The following SEC16A variants were observed in gnomAD, a reference collection of about 807,000 sequenced individuals.
The protein encoded by SEC16A is SEC16 homolog A, endoplasmic reticulum export factor.
In SEC16A, 110 loss-of-function variants were observed where a neutral mutation model predicts 221.9. The observed-to-expected ratio is 0.50, with a 90% CI of 0.42 to 0.58. SEC16A has a LOEUF of 0.58. Ranked by LOEUF, SEC16A falls within the 20% of genes least tolerant of loss-of-function variation. SEC16A has a pLI of 0.00. For missense variants in SEC16A, 3,165 were observed against 3,097.8 expected (o/e 1.02, Z -0.52); for synonymous variants, 1,393 against 1,257.7 (o/e 1.11, Z -2.28).
rs750071670 is a variant in SEC16A, at chr9:136,459,195, G to A, written c.5348C>T (p.Thr1783Met). 22 of 1,613,768 alleles carry A rather than the reference G, an allele frequency of 1.4e-5. No individual in the cohort carries two copies. The highest frequency in any genetic ancestry group is 4.4e-5 in the South Asian group (4 of 91,068). ...KFATNEAIQRTEAYEYAQSLG... is the reference protein window; with the variant it reads ...KFATNEAIQRMEAYEYAQSLG... ...GGACTGGGCGTACTCATAGGCTTCC[G>A]TCCTCTGGATTGCTTCGTTGGTTGC... is the stretch of plus-strand genomic sequence containing the variant. The change falls in exon 17 of 32, where the codon ACG becomes ATG. Residue 1783 changes from threonine (T) to methionine (M), a missense_variant. Physicochemically the swap from Thr to Met is moderately conservative, Grantham distance 81 (BLOSUM62 -1). Coordinates refer to ENST00000684901, the MANE Select transcript of SEC16A (RefSeq NM_014866.2). This position sits in a 1 kb window ranked among gnomAD's most constrained non-coding sequence, Gnocchi z 6.1.
chr9:136,475,342 A>T lies in SEC16A; in HGVS notation c.2274T>A (p.Val758=). 6.2e-7 allele frequency: 1 copy of T among 1,610,488 alleles called. No individual in the cohort carries two copies. The highest frequency in any genetic ancestry group is 8.5e-7 in the Non-Finnish European group (1 of 1,177,494). The part of the protein sequence containing the change: ...YVCAKPQPPV[V]QPPEEAMSGQ... ...CGGACATCGCCTCTTCTGGAGGCTG[A>T]ACAACAGGTGGCTGAGGTTTTGCAC... is the stretch of plus-strand genomic sequence containing the variant. The change falls in exon 3 of 32, where the codon GTT becomes GTA. Residue 758 remains valine, a synonymous_variant. Transcript: ENST00000684901. The surrounding 1 kb of genome is among the most constrained non-coding windows in gnomAD (Gnocchi z 5.0).
chr9:136,471,884 C>A, intron 4 of SEC16A, 91 bp downstream of exon 4: 1 of 1,469,090 alleles, frequency 6.8e-7, no homozygotes. Context: ...AAATACAGAA[C>A]TTTTTGAGTC....
At chr9:136,452,907 C>A (rs926175369) in intron 22 of SEC16A, among the ~76,000 whole-genome samples, 2 of 148,900 alleles carry the variant, frequency 1.3e-5, no homozygotes, top group Admixed American at 1.3e-4. Context: ...CCCATCTCTA[C>A]TAAAAATACA....
chr9:136,444,328 C>A lies in SEC16A; in HGVS notation c.6928-428G>T, dbSNP rs1326892149. Among the ~76,000 whole-genome samples the A allele has an allele frequency of 2.0e-5, 3 of 151,972 alleles. No homozygotes were observed. In the South Asian group the frequency reaches 6.7e-4, roughly 34 times the overall value. On this transcript the variant is annotated intron_variant, in intron 30 of 31. Coordinates refer to ENST00000684901, the MANE Select transcript of SEC16A (RefSeq NM_014866.2). ...CTGGACAGGCAGAAGATGAAGCGTT[C>A]GTTCACCTCCCTCCCACATTGGCCG... is the stretch of plus-strand genomic sequence containing the variant.
chr9:136,452,773 A>G (rs866116779), intron 22 of SEC16A, among the ~76,000 whole-genome samples: 2,375 of 145,892 alleles, frequency 0.016, 44 homozygotes, highest in Middle Eastern at 0.026. Context: ...CTTAGGGAAA[A>G]AAAAAAAAAA....
At chr9:136,472,954 G>A (rs772251373) in intron 3 of SEC16A, among the ~76,000 whole-genome samples, 1 of 152,210 alleles carries the variant, frequency 6.6e-6, no homozygotes, top group Non-Finnish European at 1.5e-5. Flanking sequence ...ACGGCTTCCC[G>A]TCGCTCTGCA....
chr9:136,471,314 A>C (rs1185202845), intron 4 of SEC16A, among the ~76,000 whole-genome samples: 1 of 152,076 alleles, frequency 6.6e-6, no homozygotes, highest in African/African-American at 2.4e-5. Context: ...CAAAAAAAAA[A>C]ATGAACAAAA....
At position 136,477,312 on chromosome 9, in the gene SEC16A, T is replaced by C. The variant is rs1564543474; in HGVS notation, c.304A>G (p.Ser102Gly). Residue 102 changes from serine to glycine, a missense_variant, in exon 3 of 32, where the codon AGC becomes GGC. Coordinates refer to ENST00000684901, the MANE Select transcript of SEC16A (RefSeq NM_014866.2). ...LLVPHTHARD[S>G]SQGPCEPLPG... Reference sequence around the variant, plus strand: ...AGGGGCTCACAGGGTCCCTGAGAGCTATCTCTGGCATGTGTGTGAGGAACA... The same window carrying C: ...AGGGGCTCACAGGGTCCCTGAGAGCCATCTCTGGCATGTGTGTGAGGAACA... 1 of 1,613,788 alleles carries C rather than the reference T, an allele frequency of 6.2e-7. No individual in the cohort carries two copies. Among genetic ancestry groups the C allele is most frequent in the Admixed American group, 1.7e-5 (1 of 60,026 alleles).
Position 136,451,341 on chromosome 9 carries a change from G to C in SEC16A, c.6227C>G (p.Thr2076Arg), listed in dbSNP as rs760099669. The change falls in exon 23 of 32, where the codon ACG becomes AGG. Residue 2076 changes from threonine to arginine, a missense_variant. Thr to Arg is a moderately conservative substitution (Grantham distance 71). This residue lies in a region of SEC16A where 1,088 missense variants were observed against 1,089.6 expected (regional missense o/e 1.00). Coordinates refer to ENST00000684901, the MANE Select transcript of SEC16A (RefSeq NM_014866.2). ...PGWDRADSGP[T>R]QPPLSLSPAP... Reference sequence around the variant, plus strand: ...GGGTGAGAGAGACAGAGGTGGCTGCGTGGGACCCGAGTCGGCACGATCCCA... The same window carrying C: ...GGGTGAGAGAGACAGAGGTGGCTGCCTGGGACCCGAGTCGGCACGATCCCA... The C allele has an allele frequency of 6.8e-6, 11 of 1,613,654 alleles. No individual in the cohort carries two copies. Among genetic ancestry groups the C allele is most frequent in the Non-Finnish European group, 1.7e-6 (2 of 1,179,814 alleles).
chr9:136,483,164 GC>G, upstream of SEC16A: 1 of 317,608 alleles, frequency 3.1e-6, no homozygotes, highest in Non-Finnish European at 4.5e-6. Flanking sequence ...GCCCTTCACA[GC>G]CCATCCCTCG....
At chr9:136,482,738 C>T (rs1311632451) in intron 1 of SEC16A, among the ~76,000 whole-genome samples, 200 bp downstream of exon 1, 4 of 152,174 alleles carry the variant, frequency 2.6e-5, no homozygotes, top group Admixed American at 1.3e-4. Flanking sequence ...GCGCCGCGTC[C>T]GGCCTTCCGC....
intron 30 of SEC16A, 74 bp from the exon 31 acceptor site, chr9:136,443,974 C>T: frequency 9.7e-7 from 1 of 1,035,814 alleles, no homozygotes; most frequent in South Asian, 1.6e-5. Context: ...CAGATACAGA[C>T]ACCGCTTCTG....
chr9:136,460,477 G>C (rs1402809184), intron 13 of SEC16A, among the ~76,000 whole-genome samples: 1 of 151,168 alleles, frequency 6.6e-6, no homozygotes, highest in African/African-American at 2.4e-5. Flanking sequence ...AAATAAAATA[G>C]TAATAAAATA....
intron 12 of SEC16A, among the ~76,000 whole-genome samples, chr9:136,462,303 T>C (rs1839590036): frequency 6.6e-6 from 1 of 152,112 alleles, no homozygotes; most frequent in African/African-American, 2.4e-5. Context: ...GCCCCTCCTG[T>C]GCACATAGTG....
Position 136,477,370 on chromosome 9 carries a change from G to A in SEC16A, c.246C>T (p.Ala82=), listed in dbSNP as rs1484166255. Residue 82 remains alanine (A), a synonymous_variant, in exon 3 of 32, where the codon GCC becomes GCT. Transcript: ENST00000684901. ...KSSPPVLQGP[A]PAGFSQHPGL... ...CGGGGTGCTGAGAAAACCCTGCGGG[G>A]GCTGGGCCTTGCAAGACAGGTGGAC... 6.2e-7 allele frequency: 1 copy of A among 1,613,886 alleles called. No individual in the cohort carries two copies. The highest frequency in any genetic ancestry group is 8.5e-7 in the Non-Finnish European group (1 of 1,179,896).
Position 136,448,100 on chromosome 9 carries a change from T to G in SEC16A, c.6374A>C (p.Asp2125Ala). ...AGCACTCACCGATTTGTTCTTGTCA[T>G]CTGGCAAATAAGCTTCTGTCTTTTT... ...GKKKTEAYLP[D>A]DKNKSIVWDE... Residue 2125 changes from aspartate to alanine, a missense_variant, in exon 24 of 32, where the codon GAT (aspartate) becomes GCT (alanine). Around this residue, in one of 3 missense-constraint regions of SEC16A, gnomAD observed 1,088 missense variants for 1,089.6 expected, o/e 1.00. Coordinates refer to ENST00000684901, the MANE Select transcript of SEC16A (RefSeq NM_014866.2). 6.2e-7 allele frequency: 1 copy of G among 1,613,002 alleles called. No individual in the cohort carries two copies. The highest frequency in any genetic ancestry group is 1.3e-5 in the African/African-American group (1 of 74,894).
rs1031063297 is a variant in SEC16A at position 136,446,725 on chromosome 9, G to A, written c.6792+130C>T. On this transcript the variant is annotated intron_variant, in intron 28 of 31. Coordinates refer to ENST00000684901, the MANE Select transcript of SEC16A (RefSeq NM_014866.2). Reference sequence around the variant, plus strand: ...TTCCGTCTCTACCATACATAAGTGTGAGGCGTTTAAGGCGGAACACTCTAC... The same window carrying A: ...TTCCGTCTCTACCATACATAAGTGTAAGGCGTTTAAGGCGGAACACTCTAC... 31 of 882,902 alleles carry A rather than the reference G, an allele frequency of 3.5e-5. No individual in the cohort carries two copies. In the African/African-American group the frequency reaches 4.7e-4, roughly 13 times the overall value. The allele number at this position is 882,902 out of a possible 1,614,324, so 54.7% of individuals were successfully genotyped here.
Position 136,477,318 on chromosome 9 carries a change from T to C in SEC16A, c.298A>G (p.Arg100Gly), listed in dbSNP as rs552755205. ...TCACAGGGTCCCTGAGAGCTATCTC[T>C]GGCATGTGTGTGAGGAACAAGCAAA... ...PGLLVPHTHA[R>G]DSSQGPCEPL... The change falls in exon 3 of 32, where the codon AGA becomes GGA. Residue 100 changes from arginine (R) to glycine (G), a missense_variant. Physicochemically the swap from Arg to Gly is moderately radical, Grantham distance 125 (BLOSUM62 -2). Around this residue, in one of 3 missense-constraint regions of SEC16A, gnomAD observed 2,030 missense variants for 1,923.1 expected, o/e 1.06. Transcript: ENST00000684901. 3 of 1,613,888 alleles carry C rather than the reference T, an allele frequency of 1.9e-6. No homozygotes were observed. The East Asian group carries it at 6.7e-5, about 36-fold the overall frequency.
In SEC16A at chr9:136,474,928, C is replaced by G; in HGVS notation, c.2688G>C (p.Leu896Phe). ...SGIPTSSVLS[L>F]SLPSSVAQSN... ...TTTGGGCAACACTGCTAGGCAGAGA[C>G]AAGCTAAGGACAGAGCTGGTTGGAA... Residue 896 changes from leucine to phenylalanine, a missense_variant, in exon 3 of 32, where the codon TTG (leucine) becomes TTC (phenylalanine). This residue lies in a region of SEC16A where 2,030 missense variants were observed against 1,923.1 expected (regional missense o/e 1.06). Coordinates refer to ENST00000684901, the MANE Select transcript of SEC16A (RefSeq NM_014866.2). 6.2e-7 allele frequency: 1 copy of G among 1,613,844 alleles called. No individual in the cohort carries two copies.
Sources: allele counts gnomAD v4.1 joint callset (sites outside exome capture counted in the v4.1 genomes callset), GRCh38; gene constraint gnomAD v4.1.1; regional missense constraint gnomAD v4.1.1; non-coding constraint Gnocchi (gnomAD v3.1); transcripts MANE v1.5; gene names NCBI Gene and HGNC (gene_info 2026-07-23, HGNC 2026-07-21).